Variants in LRRC4B observed in about 807,000 individuals in gnomAD.
LRRC4B encodes the protein leucine-rich repeat-containing protein 4B.
In LRRC4B, 1 loss-of-function variant was observed where a neutral mutation model predicts 7.3. The ratio of observed to expected loss-of-function variants is 0.14; its 90% confidence interval spans 0.05 to 0.65. LRRC4B has a LOEUF of 0.65. Ranked by LOEUF, LRRC4B falls within the 30% of genes least tolerant of loss-of-function variation. The probability of loss-of-function intolerance (pLI) is 0.84; values close to 1 mark genes in which losing one functional copy is unlikely to be tolerated. For missense variants in LRRC4B, 730 were observed against 1,041.6 expected (o/e 0.70, Z 4.12); for synonymous variants, 500 against 499.2 (o/e 1.00, Z -0.02).
intron 1 of LRRC4B, among the ~76,000 whole-genome samples, chr19:50,564,394 G>A (rs75781027): frequency 0.038 from 5,755 of 152,054 alleles, 352 homozygotes; most frequent in African/African-American, 0.13. Context: ...CAGGGGAGGC[G>A]GGGAGGCAGA....
rs576900229 is a variant in LRRC4B, at chr19:50,536,135, T to A, written c.297+12407A>T. Among the ~76,000 whole-genome samples the A allele has an allele frequency of 6.7e-3, 945 of 140,802 alleles. 5 individuals are homozygous for A. Among genetic ancestry groups the A allele is most frequent in the Non-Finnish European group, 0.011 (703 of 66,608 alleles). The allele number at this position is 140,802 out of a possible 152,430, so 92.4% of individuals were successfully genotyped here. The stretch of plus-strand genomic sequence containing the variant: ...ACGCTGCTACTGGACTTGTTTACCT[T>A]CCTTTTTTTTTTTTTTATGATGGAG... On this transcript the variant is annotated intron_variant, in intron 2 of 2. Transcript: ENST00000652263.
chr19:50,520,014 ACATAGACCC>A (rs1056774863), intron 2 of LRRC4B, among the ~76,000 whole-genome samples: 4 of 151,586 alleles, frequency 2.6e-5, no homozygotes, highest in Non-Finnish European at 5.9e-5. Flanking sequence ...GGGCATCAGA[ACATAGACCC>A]CATCTCTACA....
At position 50,517,413 on chromosome 19, in the gene LRRC4B, C is replaced by T. The variant is rs993762773; in HGVS notation, c.*158G>A. The T allele has an allele frequency of 7.6e-5, 43 of 565,828 alleles. No individual in the cohort carries two copies. Among genetic ancestry groups the T allele is most frequent in the Non-Finnish European group, 9.6e-5 (36 of 376,152 alleles). 35.1% of individuals were successfully genotyped at this position (565,828 alleles called of 1,614,324 possible). A position where few individuals can be genotyped will look rare whatever the true frequency, so the allele number is the denominator to read the frequency against. ...CCCCACCCTGTCCTTACTGGGGGTC[C>T]GAGCCCCAGATGGGGCTGGAAGCCA... On this transcript the variant is annotated 3_prime_UTR_variant, in exon 3 of 3. Coordinates refer to ENST00000652263, the MANE Select transcript of LRRC4B (RefSeq NM_001080457.2). This position sits in a 1 kb window ranked among gnomAD's most constrained non-coding sequence, Gnocchi z 6.6.
intron 1 of LRRC4B, among the ~76,000 whole-genome samples, chr19:50,561,817 C>G (rs973544575): frequency 6.7e-6 from 1 of 148,358 alleles, no homozygotes; most frequent in African/African-American, 2.5e-5. Flanking sequence ...ATTTTATGGC[C>G]GAGTGCAGTG....
Position 50,541,273 on chromosome 19 carries a change from G to A in LRRC4B, c.297+7269C>T, listed in dbSNP as rs918751297. On this transcript the variant is annotated intron_variant, in intron 2 of 2. Coordinates refer to ENST00000652263, the MANE Select transcript of LRRC4B (RefSeq NM_001080457.2). ...CCAGCTACTCGGGAGGCTGAGGCAG[G>A]AGAATCGCTTGAACCTGGGAGGCGG... is the stretch of plus-strand genomic sequence containing the variant. 1.4e-4 allele frequency among the ~76,000 whole-genome samples: 21 copies of A among 150,688 alleles called. No individual in the cohort carries two copies. The Admixed American group carries it at 1.4e-3, about 10-fold the overall frequency.
intron 2 of LRRC4B, among the ~76,000 whole-genome samples, chr19:50,547,945 C>G (rs2122889919): frequency 6.6e-6 from 1 of 152,158 alleles, no homozygotes; most frequent in African/African-American, 2.4e-5. Flanking sequence ...CTCACACCAG[C>G]TCCAGGAAAT....
intron 1 of LRRC4B, among the ~76,000 whole-genome samples, chr19:50,559,355 A>G (rs1982390610): frequency 6.6e-6 from 1 of 152,142 alleles, no homozygotes; most frequent in South Asian, 2.1e-4. Flanking sequence ...AATTACTTGA[A>G]CCGAGGAGGC....
At chr19:50,533,369 A>T (rs1265480772) in intron 2 of LRRC4B, among the ~76,000 whole-genome samples, 1 of 152,204 alleles carries the variant, frequency 6.6e-6, no homozygotes, top group African/African-American at 2.4e-5. Flanking sequence ...TTTAACATGC[A>T]TACCTAAAGA....
rs747262953 is a variant in LRRC4B at position 50,563,555 on chromosome 19, C to T, written c.-36+4389G>A. ...GGTGAGGCCCTCCCTCCAGAAACAG[C>T]GTCCGCATCCCAGGTCCTCTAAGGC... On this transcript the variant is annotated intron_variant, in intron 1 of 2. Transcript: ENST00000652263. This position sits in a 1 kb window ranked among gnomAD's most constrained non-coding sequence, Gnocchi z 4.9. 1.3e-5 allele frequency among the ~76,000 whole-genome samples: 2 copies of T among 152,180 alleles called. No individual in the cohort carries two copies. The highest frequency in any genetic ancestry group is 4.1e-4 in the South Asian group (2 of 4,830).
intron 1 of LRRC4B, among the ~76,000 whole-genome samples, chr19:50,562,641 A>G (rs73588611): frequency 0.02 from 3,065 of 152,062 alleles, 115 homozygotes; most frequent in African/African-American, 0.069. Context: ...GGGCTGGGGC[A>G]GCATCTGGGG....
chr19:50,532,884 CA>C (rs1981117301), intron 2 of LRRC4B, among the ~76,000 whole-genome samples: 1 of 152,200 alleles, frequency 6.6e-6, no homozygotes, highest in Non-Finnish European at 1.5e-5. Context: ...CTGTTTCCCT[CA>C]CGCTTTTTGG....
chr19:50,518,430 A>G lies in LRRC4B; in HGVS notation c.1283T>C (p.Val428Ala). 1 of 1,556,710 alleles carries G rather than the reference A, an allele frequency of 6.4e-7. No individual in the cohort carries two copies. The highest frequency in any genetic ancestry group is 8.7e-7 in the Non-Finnish European group (1 of 1,153,114). ...GCACGTGTACTGGCCCGTGTCCTGC[A>G]CGGTGACGTTGGTGAAGTTAAGCGT... is the stretch of plus-strand genomic sequence containing the variant. ...DGTLNFTNVTVQDTGQYTCMV... is the reference protein window; with the variant it reads ...DGTLNFTNVTAQDTGQYTCMV... Residue 428 changes from valine (V) to alanine (A), a missense_variant, in exon 3 of 3, where the codon GTG becomes GCG. By Grantham distance (64) the Val-to-Ala change is moderately conservative. Transcript: ENST00000652263.
At chr19:50,557,956 C>G (rs902204354) in intron 1 of LRRC4B, 3 of 152,148 alleles carry the variant, frequency 2.0e-5, no homozygotes, top group African/African-American at 7.2e-5. Flanking sequence ...TGTATTTTCT[C>G]TTCCTTAGCA....
chr19:50,556,597 G>A lies in LRRC4B; in HGVS notation c.-35-7724C>T, dbSNP rs1487997588. ...GTGTCACGGCCACCCAGCACCTGAT[G>A]CTCGGTGATTTGTTCCTGCGTTCAT... On this transcript the variant is annotated intron_variant, in intron 1 of 2. Transcript: ENST00000652263. The surrounding 1 kb of genome is among the most constrained non-coding windows in gnomAD (Gnocchi z 4.2). Among the ~76,000 whole-genome samples, 2 of 152,140 alleles carry A rather than the reference G, an allele frequency of 1.3e-5. No homozygotes were observed. Among genetic ancestry groups the A allele is most frequent in the African/African-American group, 2.4e-5 (1 of 41,438 alleles).
At chr19:50,560,069 A>AGGTTGCAGTGAGCCGAGATCGC (rs1263539217) in intron 1 of LRRC4B, among the ~76,000 whole-genome samples, 3 of 152,178 alleles carry the variant, frequency 2.0e-5, no homozygotes, top group Non-Finnish European at 4.4e-5. Flanking sequence ...TGGGAGGCGG[A>AGGTTGCAGTGAGCCGAGATCGC]GGTTGCAGTG....
chr19:50,523,448 C>T (rs573554908), intron 2 of LRRC4B, among the ~76,000 whole-genome samples: 9 of 144,992 alleles, frequency 6.2e-5, no homozygotes, highest in Admixed American at 3.6e-4. Context: ...TAGGCCGAGG[C>T]GGGCAGATCA....
chr19:50,527,804 C>T (rs1166545213), intron 2 of LRRC4B, among the ~76,000 whole-genome samples: 5 of 148,606 alleles, frequency 3.4e-5, no homozygotes, highest in African/African-American at 1.0e-4. Flanking sequence ...TGCGGTGGCA[C>T]GATCTCAGCT....
chr19:50,517,179 T>G lies in LRRC4B; in HGVS notation c.*392A>C. On this transcript the variant is annotated 3_prime_UTR_variant, in exon 3 of 3. Coordinates refer to ENST00000652263, the MANE Select transcript of LRRC4B (RefSeq NM_001080457.2). The surrounding 1 kb of genome is among the most constrained non-coding windows in gnomAD (Gnocchi z 6.6). ...GCGTCAAACTGCAAAAACTGAACCG[T>G]AAAAGGAAGGTGTTTGGGGCCGAGG... 1 of 160,986 alleles carries G rather than the reference T, an allele frequency of 6.2e-6. No individual in the cohort carries two copies. Among genetic ancestry groups the G allele is most frequent in the Non-Finnish European group, 1.3e-5 (1 of 74,406 alleles). The allele number at this position is 160,986 out of a possible 1,614,324, so 10.0% of individuals were successfully genotyped here.
Position 50,548,277 on chromosome 19 carries a change from C to CG in LRRC4B, c.297+264dup, listed in dbSNP as rs564846704. 9.2e-5 allele frequency among the ~76,000 whole-genome samples: 14 copies of CG among 152,260 alleles called. No homozygotes were observed. In the South Asian group the frequency reaches 2.3e-3, roughly 25 times the overall value. On this transcript the variant is annotated intron_variant, in intron 2 of 2. Coordinates refer to ENST00000652263, the MANE Select transcript of LRRC4B (RefSeq NM_001080457.2). The surrounding 1 kb of genome is among the most constrained non-coding windows in gnomAD (Gnocchi z 6.8). ...CTAGGCCGACCCGCCTGTCCTGTGC[C>CG]GGGGGGGCTGGGCAGGTGGCCTGCA... is the stretch of plus-strand genomic sequence containing the variant.
Sources: allele counts gnomAD v4.1 joint callset (sites outside exome capture counted in the v4.1 genomes callset), GRCh38; gene constraint gnomAD v4.1.1; non-coding constraint Gnocchi (gnomAD v3.1); transcripts MANE v1.5; gene names NCBI Gene and HGNC (gene_info 2026-07-23, HGNC 2026-07-21).